The following LOC400499 variants were observed in gnomAD, a reference collection of about 807,000 sequenced individuals.
the LOC400499 span, chr16:11,385,268 G>T: frequency 8.1e-7 from 1 of 1,232,298 alleles, no homozygotes; most frequent in Non-Finnish European, 1.0e-6. Context: ...ACAGGGCTGT[G>T]AGCCCCGAGC....
At chr16:11,443,886 G>A in the LOC400499 span, among the ~76,000 whole-genome samples, 3 of 151,724 alleles carry the variant, frequency 2.0e-5, no homozygotes, top group Admixed American at 6.6e-5. Context: ...CAAGGCTGGA[G>A]TGCAGTGCTG....
the LOC400499 span, among the ~76,000 whole-genome samples, chr16:11,497,600 G>C: frequency 1.3e-5 from 2 of 152,174 alleles, no homozygotes; most frequent in Non-Finnish European, 2.9e-5. Context: ...GGGCAGGCTG[G>C]TGCCACTTGG....
the LOC400499 span, chr16:11,487,482 C>T: frequency 2.5e-6 from 1 of 397,370 alleles, no homozygotes; most frequent in Non-Finnish European, 4.4e-6. Flanking sequence ...GGGCCAGATA[C>T]ATGGTGTGTC....
the LOC400499 span, chr16:11,399,094 T>C: frequency 4.2e-6 from 2 of 473,832 alleles, no homozygotes; most frequent in African/African-American, 4.2e-5. Context: ...TGCAGAACAG[T>C]GCTCGGCCCC....
the LOC400499 span, among the ~76,000 whole-genome samples, chr16:11,385,654 G>C: frequency 6.6e-6 from 1 of 152,232 alleles, no homozygotes; most frequent in Non-Finnish European, 1.5e-5. Context: ...GGAGTCCTGA[G>C]ACCTGCTACA....
the LOC400499 span, among the ~76,000 whole-genome samples, chr16:11,453,969 C>T: frequency 2.0e-5 from 3 of 152,146 alleles, no homozygotes; most frequent in African/African-American, 7.2e-5. Context: ...ACCAAAATGA[C>T]ATGTTTCCAA....
the LOC400499 span, chr16:11,448,867 G>A: frequency 5.2e-6 from 7 of 1,348,378 alleles, no homozygotes; most frequent in South Asian, 3.5e-5. Context: ...GTAGGAAACC[G>A]AGGTGAGGGA....
the LOC400499 span, chr16:11,384,400 G>T: frequency 6.1e-6 from 5 of 818,668 alleles, no homozygotes; most frequent in Middle Eastern, 4.1e-4. Context: ...TGCTGCCTCA[G>T]GACCTGTGTG....
chr16:11,373,456 C>G, the LOC400499 span, among the ~76,000 whole-genome samples: 1 of 152,140 alleles, frequency 6.6e-6, no homozygotes, highest in Non-Finnish European at 1.5e-5. Flanking sequence ...GCGTCAGCCT[C>G]CTGAGTAGCT....
the LOC400499 span, chr16:11,387,268 T>G: frequency 8.1e-7 from 1 of 1,232,162 alleles, no homozygotes; most frequent in Non-Finnish European, 1.0e-6. Context: ...CAGGCAACAG[T>G]GGCAGCATCA....
chr16:11,414,820 C>A, the LOC400499 span, among the ~76,000 whole-genome samples: 524 of 152,320 alleles, frequency 3.4e-3, 3 homozygotes, highest in South Asian at 6.2e-3. Flanking sequence ...CCCTCCCAGT[C>A]CTTGGCTGCC....
chr16:11,487,353 G>T, the LOC400499 span: 1 of 399,420 alleles, frequency 2.5e-6, no homozygotes, highest in Non-Finnish European at 4.4e-6. Flanking sequence ...GAAGAGAAGG[G>T]TCCCCTCCAG....
At chr16:11,509,879 G>T in the LOC400499 span, among the ~76,000 whole-genome samples, 2 of 151,834 alleles carry the variant, frequency 1.3e-5, no homozygotes, top group Middle Eastern at 3.2e-3. Flanking sequence ...AACAGACACA[G>T]TTGCCTATGT....
At chr16:11,516,485 C>T in the LOC400499 span, among the ~76,000 whole-genome samples, 1 of 152,148 alleles carries the variant, frequency 6.6e-6, no homozygotes, top group African/African-American at 2.4e-5. Flanking sequence ...GGCTCTGGGG[C>T]AGCCAACTCT....
chr16:11,402,010 G>C, the LOC400499 span: 1 of 399,112 alleles, frequency 2.5e-6, no homozygotes, highest in Non-Finnish European at 4.4e-6. Context: ...CTCTGCCCCA[G>C]GGTCACCTTC....
the LOC400499 span, among the ~76,000 whole-genome samples, chr16:11,403,337 G>A: frequency 6.6e-6 from 1 of 152,168 alleles, no homozygotes; most frequent in African/African-American, 2.4e-5. Flanking sequence ...CCTGCCACCC[G>A]CTGACCCCAC....
At chr16:11,428,275 G>A in the LOC400499 span, among the ~76,000 whole-genome samples, 1 of 152,070 alleles carries the variant, frequency 6.6e-6, no homozygotes, top group African/African-American at 2.4e-5. Flanking sequence ...AGGTTCAAGC[G>A]ACTCTCCTGC....
chr16:11,477,048 C>G, the LOC400499 span: 1 of 400,016 alleles, frequency 2.5e-6, no homozygotes, highest in Non-Finnish European at 4.4e-6. Context: ...CACAGCAGCC[C>G]CTCCACCACT....
the LOC400499 span, among the ~76,000 whole-genome samples, chr16:11,418,101 G>A: frequency 6.6e-6 from 1 of 152,174 alleles, no homozygotes. Flanking sequence ...GTGGGCCTGG[G>A]GAAGATGGCT....
Sources: allele counts gnomAD v4.1 joint callset (sites outside exome capture counted in the v4.1 genomes callset), GRCh38; gene constraint gnomAD v4.1.1; transcripts MANE v1.5.